The following SLC4A5 variants were observed in gnomAD, a reference collection of about 807,000 sequenced individuals.
SLC4A5 encodes the protein electrogenic sodium bicarbonate cotransporter 4.
A neutral mutation model predicts 120.4 loss-of-function variants in SLC4A5; 96 were observed. The observed-to-expected ratio is 0.80, with a 90% CI of 0.68 to 0.94. SLC4A5 has a LOEUF of 0.94. SLC4A5 is among the 40% of genes least tolerant of loss of function. The pLI, the probability that SLC4A5 is intolerant of heterozygous loss-of-function variation, is 0.00. For synonymous variants in SLC4A5, 550 were observed against 571.1 expected (o/e 0.96, Z 0.53); for missense variants, 1,259 against 1,459.5 (o/e 0.86, Z 2.24).
chr2:74,307,485 G>C, intron 6 of SLC4A5: 1 of 623,504 alleles, frequency 1.6e-6, no homozygotes. Flanking sequence ...GCTCTCTACA[G>C]ACTAGCGCAT....
intron 15 of SLC4A5, among the ~76,000 whole-genome samples, 159 bp downstream of exon 15, chr2:74,252,815 T>C (rs1670833963): frequency 6.6e-6 from 1 of 152,228 alleles, no homozygotes; most frequent in South Asian, 2.1e-4. Context: ...TTCAAACTCC[T>C]GGGCTCAAGT....
chr2:74,219,131 C>T (rs1572995367), intron 30 of SLC4A5, among the ~76,000 whole-genome samples: 2 of 151,298 alleles, frequency 1.3e-5, no homozygotes, highest in African/African-American at 4.9e-5. Flanking sequence ...GTAGTCCTGC[C>T]TGCTTAGTTT....
At position 74,247,288 on chromosome 2, in the gene SLC4A5, T is replaced by C. The variant is rs570124575; in HGVS notation, c.1807A>G (p.Met603Val). 5 of 1,613,884 alleles carry C rather than the reference T, an allele frequency of 3.1e-6. No individual in the cohort carries two copies. In the African/African-American group the frequency reaches 4.0e-5, roughly 13 times the overall value. The stretch of plus-strand genomic sequence containing the variant: ...AGGCCAATCCAGAGGCGGAACTCCA[T>C]GTAGTCCAGGCCATTGCCTCTGGAA... Residue 603 changes from methionine to valine, a missense_variant, in exon 19 of 31, where the codon ATG (methionine) becomes GTG (valine). Coordinates refer to ENST00000394019, the Ensembl canonical transcript of SLC4A5.
intron 21 of SLC4A5, 100 bp from the exon 22 acceptor site, chr2:74,235,314 T>G: frequency 2.5e-6 from 2 of 812,960 alleles, no homozygotes; most frequent in Non-Finnish European, 4.0e-6. Flanking sequence ...ACTATTACAG[T>G]CTGGGCTCTG....
chr2:74,256,755 C>T (rs1029098952), intron 12 of SLC4A5, among the ~76,000 whole-genome samples: 6 of 152,208 alleles, frequency 3.9e-5, no homozygotes, highest in East Asian at 1.9e-4. Flanking sequence ...TAGTCCTTAA[C>T]GTCTTAGAAT....
chr2:74,336,190 C>T (rs892927627), intron 3 of SLC4A5, among the ~76,000 whole-genome samples: 4 of 152,286 alleles, frequency 2.6e-5, no homozygotes, highest in Admixed American at 2.6e-4. Context: ...GCCTCAGCCT[C>T]CCAAATATCT....
At chr2:74,237,084 C>T (rs538397515) in intron 21 of SLC4A5, among the ~76,000 whole-genome samples, 4 of 151,138 alleles carry the variant, frequency 2.6e-5, no homozygotes, top group African/African-American at 9.7e-5. Context: ...TCATGCCATT[C>T]TCCTGCCTCA....
intron 8 of SLC4A5, among the ~76,000 whole-genome samples, chr2:74,271,433 G>A (rs1462794981): frequency 6.6e-6 from 1 of 152,040 alleles, no homozygotes; most frequent in African/African-American, 2.4e-5. Context: ...AATAAAAACG[G>A]GTGGGATCCA....
chr2:74,245,639 A>G (rs1478674007), intron 19 of SLC4A5, among the ~76,000 whole-genome samples: 1 of 152,246 alleles, frequency 6.6e-6, no homozygotes, highest in African/African-American at 2.4e-5. Flanking sequence ...ACAGAAAAAA[A>G]GAAAGAAAAA....
chr2:74,257,495 G>A (rs911792717), intron 12 of SLC4A5, among the ~76,000 whole-genome samples: 1 of 152,136 alleles, frequency 6.6e-6, no homozygotes, highest in African/African-American at 2.4e-5. Context: ...GAGGAGATAC[G>A]GGCTGGGCAG....
At chr2:74,314,979 G>A in exon 6 of SLC4A5, 1 of 1,614,014 alleles carries the variant, frequency 6.2e-7, no homozygotes, top group Non-Finnish European at 8.5e-7. Flanking sequence ...TGTGGTTAGT[G>A]TGGTCCAGCT....
At chr2:74,217,153 TAAA>T (rs1558860393) in exon 31 of SLC4A5, 1 of 152,280 alleles carries the variant, frequency 6.6e-6, no homozygotes, top group Admixed American at 6.5e-5. Flanking sequence ...CATTTTTCTT[TAAA>T]AAAGAAAGCA....
intron 5 of SLC4A5, chr2:74,319,479 A>C (rs186830698): frequency 6.0e-4 from 92 of 152,292 alleles, no homozygotes; most frequent in African/African-American, 2.2e-3. Context: ...TACAAAACAA[A>C]GACAAAAACA....
chr2:74,298,503 G>A (rs1218621462), intron 7 of SLC4A5, among the ~76,000 whole-genome samples: 2 of 152,194 alleles, frequency 1.3e-5, no homozygotes, highest in Non-Finnish European at 2.9e-5. Flanking sequence ...GTTTAACATT[G>A]GTCTTGGCAG....
intron 16 of SLC4A5, chr2:74,250,831 C>T (rs1670768283): frequency 3.5e-6 from 1 of 287,168 alleles, no homozygotes; most frequent in East Asian, 7.5e-5. Context: ...GATGGTGGTC[C>T]TCCTCACATC....
intron 8 of SLC4A5, among the ~76,000 whole-genome samples, chr2:74,285,381 C>T (rs577814906): frequency 2.6e-4 from 40 of 152,190 alleles, no homozygotes; most frequent in Admixed American, 5.2e-4. Flanking sequence ...GGATGCAAAA[C>T]CTGCATATAT....
intron 7 of SLC4A5, among the ~76,000 whole-genome samples, chr2:74,299,232 T>C (rs1672409652): frequency 6.6e-6 from 1 of 152,088 alleles, no homozygotes; most frequent in Non-Finnish European, 1.5e-5. Context: ...ATGCATGTAA[T>C]CCCAGATACT....
chr2:74,245,543 C>G (rs2103966607), intron 19 of SLC4A5, among the ~76,000 whole-genome samples: 3 of 152,270 alleles, frequency 2.0e-5, no homozygotes, highest in Admixed American at 2.0e-4. Context: ...GGTAGGATCC[C>G]CTCTGGGCAA....
intron 20 of SLC4A5, among the ~76,000 whole-genome samples, chr2:74,239,996 A>T (rs140494773): frequency 6.4e-4 from 96 of 149,960 alleles, no homozygotes; most frequent in African/African-American, 2.3e-3. Flanking sequence ...CATACACAAC[A>T]GTGAATTTTT....
Sources: gnomAD v4.1 joint callset for allele counts (sites outside exome capture counted in the v4.1 genomes callset) on GRCh38, gnomAD v4.1.1 for gene constraint, MANE v1.5 for transcripts, NCBI Gene and HGNC (gene_info 2026-07-23, HGNC 2026-07-21) for gene names.